The following FCHSD2 variants were observed in gnomAD, a reference collection of about 807,000 sequenced individuals.
FCHSD2 encodes F-BAR and double SH3 domains protein 2.
Under a neutral mutation model 108.1 loss-of-function variants are expected in FCHSD2, and 38 were observed. The ratio of observed to expected loss-of-function variants is 0.35; its 90% CI spans 0.27 to 0.46. FCHSD2 has a LOEUF of 0.46. Among genes scored for constraint, FCHSD2 ranks in the 20% least tolerant of loss-of-function variants. The pLI, the probability that FCHSD2 is intolerant of heterozygous loss-of-function variation, is 1.00. For missense variants in FCHSD2, 751 were observed against 897.8 expected, an observed-to-expected ratio of 0.84 and a Z score of 2.09; for synonymous variants, 279 against 314.7, an observed-to-expected ratio of 0.89 and a Z score of 1.20.
intron 12 of FCHSD2, among the ~76,000 whole-genome samples, chr11:72,869,184 G>C (rs1217906923): frequency 6.6e-6 from 1 of 152,076 alleles, no homozygotes; most frequent in Admixed American, 6.6e-5. Flanking sequence ...TGGGATTACA[G>C]GCATGAGCCA....
At chr11:72,939,223 G>C (rs1856364508) in intron 8 of FCHSD2, among the ~76,000 whole-genome samples, 1 of 152,172 alleles carries the variant, frequency 6.6e-6, no homozygotes, top group Admixed American at 6.5e-5. Flanking sequence ...AACATTAGCA[G>C]AGGACGTTCA....
chr11:72,905,710 T>C (rs544950236), intron 9 of FCHSD2, among the ~76,000 whole-genome samples: 18 of 152,274 alleles, frequency 1.2e-4, no homozygotes, highest in Admixed American at 3.9e-4. Flanking sequence ...GTCCTTGTGA[T>C]AGTTTGCTTA....
intron 3 of FCHSD2, among the ~76,000 whole-genome samples, chr11:73,041,344 C>T (rs1858633065): frequency 6.6e-6 from 1 of 152,152 alleles, no homozygotes; most frequent in African/African-American, 2.4e-5. Context: ...ACATTCCTAC[C>T]AACAATGTAT....
chr11:73,118,259 C>A (rs1034926822), intron 2 of FCHSD2, among the ~76,000 whole-genome samples: 3 of 152,134 alleles, frequency 2.0e-5, no homozygotes, highest in Non-Finnish European at 4.4e-5. Flanking sequence ...GCAGAGACTG[C>A]GGTGAGCCGA....
At chr11:72,843,801 A>T (rs909799896) in intron 14 of FCHSD2, 2 of 363,564 alleles carry the variant, frequency 5.5e-6, no homozygotes, top group Admixed American at 8.6e-5. Context: ...CCTGGGCAAC[A>T]CAGCGAGACC....
chr11:73,106,961 ACT>A (rs1860359262), intron 2 of FCHSD2, among the ~76,000 whole-genome samples: 1 of 151,898 alleles, frequency 6.6e-6, no homozygotes, highest in Non-Finnish European at 1.5e-5. Context: ...GAAAATTAAA[ACT>A]CTACCACCAG....
intron 9 of FCHSD2, among the ~76,000 whole-genome samples, chr11:72,902,855 A>C (rs1474279719): frequency 6.6e-6 from 1 of 152,218 alleles, no homozygotes; most frequent in Non-Finnish European, 1.5e-5. Context: ...GGAAAGTGAT[A>C]GTTTAGAAAC....
chr11:73,062,726 A>C (rs974975738), intron 3 of FCHSD2, among the ~76,000 whole-genome samples: 4 of 152,184 alleles, frequency 2.6e-5, no homozygotes, highest in African/African-American at 9.7e-5. Context: ...AAGAAAGAAG[A>C]CAAGATTACA....
At position 72,848,809 on chromosome 11, in the gene FCHSD2, A is replaced by C. The variant is rs1276415773; in HGVS notation, c.1443+946T>G. Among the ~76,000 whole-genome samples the C allele has an allele frequency of 2.0e-5, 3 of 152,206 alleles. No homozygotes were observed. The East Asian group carries it at 5.8e-4, about 29-fold the overall frequency. On this transcript the variant is annotated intron_variant, in intron 14 of 19. Transcript: ENST00000409418. ...AATTTTAGTTCTGGGACGTTCAAGT[A>C]AATATAATGGGAGGTGGTATCAGGA...
At chr11:72,880,642 A>C (rs966411940) in intron 12 of FCHSD2, among the ~76,000 whole-genome samples, 9 of 152,064 alleles carry the variant, frequency 5.9e-5, no homozygotes, top group Non-Finnish European at 8.8e-5. Flanking sequence ...ATGGCTGGGC[A>C]CAGTGGCTCA....
intron 3 of FCHSD2, among the ~76,000 whole-genome samples, chr11:73,045,965 A>G (rs1858754116): frequency 6.8e-6 from 1 of 146,034 alleles, no homozygotes; most frequent in Non-Finnish European, 1.5e-5. Context: ...TCTCTTGCTT[A>G]TATTTCTACA....
chr11:73,063,247 T>C (rs937340067), intron 3 of FCHSD2, among the ~76,000 whole-genome samples: 1 of 152,164 alleles, frequency 6.6e-6, no homozygotes, highest in Non-Finnish European at 1.5e-5. Context: ...CTGAGGGATT[T>C]TGTCACCACC....
chr11:72,897,062 A>G (rs1375336948), intron 10 of FCHSD2, among the ~76,000 whole-genome samples: 2 of 151,878 alleles, frequency 1.3e-5, no homozygotes, highest in African/African-American at 4.8e-5. Context: ...TCCTGACCTC[A>G]TGATCCGCCC....
chr11:72,840,601 C>T (rs531859118), intron 19 of FCHSD2, among the ~76,000 whole-genome samples: 1 of 152,312 alleles, frequency 6.6e-6, no homozygotes, highest in African/African-American at 2.4e-5. Flanking sequence ...CGCTTTAATG[C>T]TCATAAAGTT....
chr11:72,945,755 C>T (rs541637150), intron 8 of FCHSD2, among the ~76,000 whole-genome samples: 1 of 152,248 alleles, frequency 6.6e-6, no homozygotes, highest in Admixed American at 6.5e-5. Context: ...AGACACTTCT[C>T]AAAAGAAGAC....
intron 17 of FCHSD2, among the ~76,000 whole-genome samples, chr11:72,841,857 T>G: frequency 6.6e-6 from 1 of 152,208 alleles, no homozygotes; most frequent in South Asian, 2.1e-4. Context: ...AGGGTTCTAT[T>G]GAAAATGTAC....
At chr11:73,020,394 T>C (rs1426578080) in intron 3 of FCHSD2, among the ~76,000 whole-genome samples, 1 of 152,240 alleles carries the variant, frequency 6.6e-6, no homozygotes, top group Non-Finnish European at 1.5e-5. Flanking sequence ...TACTAAGGGT[T>C]TGCCATTAGA....
At chr11:73,109,605 G>A in intron 2 of FCHSD2, among the ~76,000 whole-genome samples, 1 of 152,210 alleles carries the variant, frequency 6.6e-6, no homozygotes, top group South Asian at 2.1e-4. Flanking sequence ...TTTTAGTGGG[G>A]TCTTTATGTT....
chr11:73,048,031 T>C (rs1858808618), intron 3 of FCHSD2, among the ~76,000 whole-genome samples: 1 of 151,796 alleles, frequency 6.6e-6, no homozygotes, highest in African/African-American at 2.4e-5. Flanking sequence ...AAGTAGTACA[T>C]ACTGTGAAAA....
Sources: gnomAD v4.1 joint callset for allele counts (sites outside exome capture counted in the v4.1 genomes callset) on GRCh38, gnomAD v4.1.1 for gene constraint, MANE v1.5 for transcripts, NCBI Gene and HGNC (gene_info 2026-07-23, HGNC 2026-07-21) for gene names.